GARNL3: variants seen among roughly 807,000 people sequenced by gnomAD.
GARNL3 encodes GTPase activating Rap/RanGAP domain like 3.
Under a neutral mutation model 125.0 loss-of-function variants are expected in GARNL3, and 63 were observed. The observed-to-expected ratio is 0.50, with a 90% CI of 0.41 to 0.62. The LOEUF (loss-of-function observed/expected upper bound fraction) is 0.62. Ranked by LOEUF, GARNL3 falls within the 20% of genes least tolerant of loss-of-function variation. The probability of loss-of-function intolerance (pLI) is 0.00; values close to 1 mark genes in which losing one functional copy is unlikely to be tolerated. For synonymous variants in GARNL3, 439 were observed against 457.5 expected (o/e 0.96, Z 0.52); for missense variants, 994 against 1,244.0 (o/e 0.80, Z 3.02).
At chr9:127,287,807 G>A (rs542424679) in intron 1 of GARNL3, among the ~76,000 whole-genome samples, 5 of 152,324 alleles carry the variant, frequency 3.3e-5, no homozygotes, top group South Asian at 2.1e-4. Context: ...TGGTGCTTCC[G>A]GTTATCTGGC....
intron 1 of GARNL3, among the ~76,000 whole-genome samples, chr9:127,265,889 G>C (rs1203995795): frequency 7.2e-5 from 11 of 152,158 alleles, no homozygotes; most frequent in Non-Finnish European, 1.3e-4. Flanking sequence ...GTGTACCAGT[G>C]GCGTTCTACT....
chr9:127,298,596 AT>A (rs1269273057), intron 2 of GARNL3, among the ~76,000 whole-genome samples: 14 of 152,132 alleles, frequency 9.2e-5, no homozygotes, highest in Non-Finnish European at 1.5e-4. Context: ...TATACTTGTA[AT>A]TTTTTATATT....
At chr9:127,312,155 G>T (rs2065115241) in intron 3 of GARNL3, among the ~76,000 whole-genome samples, 1 of 152,198 alleles carries the variant, frequency 6.6e-6, no homozygotes, top group Non-Finnish European at 1.5e-5. Flanking sequence ...GAACTAGAGA[G>T]ACATTAGACT....
intron 1 of GARNL3, chr9:127,225,259 C>T: frequency 1.4e-6 from 1 of 691,294 alleles, no homozygotes; most frequent in Non-Finnish European, 1.8e-6. Context: ...AGCGGCCGGC[C>T]GAGGCCCGAG....
At chr9:127,243,693 T>C (rs1170439236) in intron 2 of GARNL3, among the ~76,000 whole-genome samples, 1 of 152,188 alleles carries the variant, frequency 6.6e-6, no homozygotes, top group East Asian at 1.9e-4. Context: ...ATATAAATAG[T>C]ATATGGAAGC....
chr9:127,393,392 G>A lies in GARNL3; in HGVS notation c.*138G>A. ...TTGGACCAAACCTTCTGCACACTCG[G>A]CCAGTTCCCTCTCCAATGTCCGGTG... On this transcript the variant is annotated 3_prime_UTR_variant, in exon 28 of 28. Transcript: ENST00000373387. 1.5e-6 allele frequency: 1 copy of A among 653,900 alleles called. No individual in the cohort carries two copies. Among genetic ancestry groups the A allele is most frequent in the Non-Finnish European group, 2.5e-6 (1 of 397,184 alleles). 40.5% of individuals were successfully genotyped at this position (653,900 alleles called of 1,614,324 possible).
intron 2 of GARNL3, among the ~76,000 whole-genome samples, chr9:127,298,470 C>T (rs1034813531): frequency 6.0e-4 from 91 of 152,202 alleles, no homozygotes; most frequent in African/African-American, 1.9e-3. Context: ...TGAGCCACCA[C>T]GCCCGGCCTG....
intron 1 of GARNL3, among the ~76,000 whole-genome samples, chr9:127,237,206 G>A (rs954804497): frequency 6.6e-6 from 1 of 152,198 alleles, no homozygotes; most frequent in African/African-American, 2.4e-5. Context: ...GAAGCAAGGA[G>A]ATCCTGGCAC....
At chr9:127,285,445 G>A (rs552284179) in intron 1 of GARNL3, among the ~76,000 whole-genome samples, 2 of 152,044 alleles carry the variant, frequency 1.3e-5, no homozygotes, top group African/African-American at 4.8e-5. Flanking sequence ...ATATTAGGTC[G>A]GTTTTTTTAA....
At chr9:127,294,312 T>TC (rs1469637481) in intron 2 of GARNL3, among the ~76,000 whole-genome samples, 1 of 151,872 alleles carries the variant, frequency 6.6e-6, no homozygotes, top group Non-Finnish European at 1.5e-5. Context: ...TTCCCACCCC[T>TC]CCCCCCGGCC....
intron 13 of GARNL3, among the ~76,000 whole-genome samples, chr9:127,340,940 G>C (rs1829829384): frequency 6.6e-6 from 1 of 152,082 alleles, no homozygotes; most frequent in South Asian, 2.1e-4. Flanking sequence ...TCCAAGTCCT[G>C]GCCAGGCTGT....
chr9:127,225,231 G>A (rs1448166831), intron 1 of GARNL3: 6 of 398,118 alleles, frequency 1.5e-5, no homozygotes, highest in African/African-American at 2.2e-5. Context: ...CGGGACGTGG[G>A]CTGCGGCGCG....
intron 21 of GARNL3, 158 bp from the exon 22 acceptor site, chr9:127,365,142 C>A (rs1045052732): frequency 1.6e-5 from 10 of 633,254 alleles, no homozygotes; most frequent in Non-Finnish European, 2.6e-5. Context: ...ATAATCCCAG[C>A]CCCCAATGTG....
At chr9:127,310,186 T>C (rs551790642) in intron 2 of GARNL3, among the ~76,000 whole-genome samples, 1 of 152,148 alleles carries the variant, frequency 6.6e-6, no homozygotes, top group Admixed American at 6.5e-5. Context: ...TCTAAAAGAA[T>C]ATAGAGGTAA....
chr9:127,380,741 A>C (rs1391600143), intron 22 of GARNL3, among the ~76,000 whole-genome samples: 1 of 152,260 alleles, frequency 6.6e-6, no homozygotes, highest in Non-Finnish European at 1.5e-5. Flanking sequence ...GTCCACAGAC[A>C]CAGAAGCAAA....
At chr9:127,315,425 G>A (rs938174950) in intron 4 of GARNL3, among the ~76,000 whole-genome samples, 1 of 152,040 alleles carries the variant, frequency 6.6e-6, no homozygotes, top group East Asian at 1.9e-4. Context: ...GCACTTGAGC[G>A]CAGGAGTTCA....
chr9:127,270,658 C>T (rs1025788448), intron 1 of GARNL3, among the ~76,000 whole-genome samples: 1 of 152,228 alleles, frequency 6.6e-6, no homozygotes, highest in Non-Finnish European at 1.5e-5. Flanking sequence ...CCTTCCTCTG[C>T]TATTCTGTAA....
chr9:127,384,469 G>T lies in GARNL3; in HGVS notation c.2270-558G>T, dbSNP rs1189111988. On this transcript the variant is annotated intron_variant, in intron 23 of 27. Coordinates refer to ENST00000373387, the MANE Select transcript of GARNL3 (RefSeq NM_032293.5). The surrounding 1 kb of genome is among the most constrained non-coding windows in gnomAD (Gnocchi z 4.0). ...CATCCAAATCATTTCAAGCAGAGGG[G>T]CCAGCCCTTAACAAATAACTCAGCA... 6.6e-6 allele frequency among the ~76,000 whole-genome samples: 1 copy of T among 152,150 alleles called. No homozygotes were observed. The highest frequency in any genetic ancestry group is 2.4e-5 in the African/African-American group (1 of 41,418).
intron 2 of GARNL3, among the ~76,000 whole-genome samples, chr9:127,301,495 A>G (rs541373509): frequency 2.6e-5 from 4 of 152,308 alleles, no homozygotes; most frequent in Non-Finnish European, 5.9e-5. Flanking sequence ...CTAGTTTACA[A>G]TTCAGTGTCT....
Sources: allele counts gnomAD v4.1 joint callset (sites outside exome capture counted in the v4.1 genomes callset), GRCh38; gene constraint gnomAD v4.1.1; non-coding constraint Gnocchi (gnomAD v3.1); transcripts MANE v1.5; gene names NCBI Gene and HGNC (gene_info 2026-07-23, HGNC 2026-07-21).